Variants in CAMKMT observed in about 807,000 individuals in gnomAD.
The protein encoded by CAMKMT is calmodulin-lysine N-methyltransferase, also known as CaM KMT.
In CAMKMT, 53 loss-of-function variants were observed where a neutral mutation model predicts 48.0. The ratio of observed to expected loss-of-function variants is 1.10; its 90% CI spans 0.89 to 1.39. The LOEUF (loss-of-function observed/expected upper bound fraction) is 1.39, where lower values mean the gene tolerates loss of function less well. CAMKMT is among the 40% of genes most tolerant of loss of function. CAMKMT has a pLI of 0.00. For missense variants in CAMKMT, 428 were observed against 402.7 expected (o/e 1.06, Z -0.54); for synonymous variants, 165 against 152.3 (o/e 1.08, Z -0.61).
intron 3 of CAMKMT, among the ~76,000 whole-genome samples, chr2:44,480,112 AGGCT>A (rs1409136464): frequency 6.6e-6 from 1 of 152,146 alleles, no homozygotes; most frequent in African/African-American, 2.4e-5. Context: ...AACTTTTAGG[AGGCT>A]TTGAACCAAA....
intron 3 of CAMKMT, among the ~76,000 whole-genome samples, chr2:44,603,005 A>G (rs1029129143): frequency 1.3e-5 from 2 of 152,038 alleles, no homozygotes; most frequent in Non-Finnish European, 2.9e-5. Context: ...CATTAACCAG[A>G]GTTCAGTATG....
intron 3 of CAMKMT, among the ~76,000 whole-genome samples, chr2:44,526,826 T>C (rs758028333): frequency 3.3e-5 from 5 of 152,136 alleles, no homozygotes; most frequent in Non-Finnish European, 7.4e-5. Context: ...ATGCATAAAA[T>C]TAACTATTAC....
At chr2:44,634,799 C>CAAAAAAA (rs1381130749) in intron 3 of CAMKMT, among the ~76,000 whole-genome samples, 1 of 23,914 alleles carries the variant, frequency 4.2e-5, no homozygotes. Context: ...TGAGGGCTAG[C>CAAAAAAA]CAAAAAAAAA....
At chr2:44,552,260 AATG>A (rs1007624442) in intron 3 of CAMKMT, among the ~76,000 whole-genome samples, 3 of 152,170 alleles carry the variant, frequency 2.0e-5, no homozygotes, top group African/African-American at 7.2e-5. Flanking sequence ...AGTGATACAC[AATG>A]ATATTTCGAT....
chr2:44,674,407 G>C (rs1054845924), intron 3 of CAMKMT, among the ~76,000 whole-genome samples: 2 of 152,210 alleles, frequency 1.3e-5, no homozygotes, highest in African/African-American at 4.8e-5. Context: ...GTATCCAAAA[G>C]CTAGAGCACA....
intron 3 of CAMKMT, among the ~76,000 whole-genome samples, chr2:44,478,050 A>G (rs1019140879): frequency 2.0e-5 from 3 of 152,236 alleles, no homozygotes; most frequent in African/African-American, 7.2e-5. Context: ...AATGTGTAAA[A>G]TTAAAAGCAA....
At chr2:44,712,350 A>T (rs1469921001) in intron 6 of CAMKMT, among the ~76,000 whole-genome samples, 6 of 152,102 alleles carry the variant, frequency 3.9e-5, no homozygotes, top group East Asian at 1.9e-4. Context: ...CAACTCTCAA[A>T]ATATATATAT....
chr2:44,548,661 G>A (rs755965913), intron 3 of CAMKMT, among the ~76,000 whole-genome samples: 2 of 152,138 alleles, frequency 1.3e-5, no homozygotes, highest in South Asian at 2.1e-4. Context: ...GGTCAGAGAC[G>A]GGAAGTCAGA....
intron 2 of CAMKMT, among the ~76,000 whole-genome samples, chr2:44,389,558 T>G (rs1416936302): frequency 6.6e-6 from 1 of 150,542 alleles, no homozygotes; most frequent in African/African-American, 2.4e-5. Context: ...TTAGCACTAA[T>G]TTTTTTTTTC....
At chr2:44,478,490 C>T (rs967224684) in intron 3 of CAMKMT, among the ~76,000 whole-genome samples, 10 of 152,180 alleles carry the variant, frequency 6.6e-5, no homozygotes, top group African/African-American at 2.4e-4. Flanking sequence ...TATAGACCTA[C>T]TTTACCTTGG....
At position 44,707,385 on chromosome 2, in the gene CAMKMT, C is replaced by CTT; in HGVS notation, c.493-5_493-4dup. On this transcript the variant is annotated splice_polypyrimidine_tract_variant and intron_variant, in intron 5 of 10. Transcript: ENST00000378494. ...ATTTGCTCATTGTTTGCTGTGCTCC[C>CTT]TTTTTTTTTTCAGGTTGCTATTTCT... 2 of 1,380,034 alleles carry CTT rather than the reference C, an allele frequency of 1.4e-6. No individual in the cohort carries two copies. Among genetic ancestry groups the CTT allele is most frequent in the African/African-American group, 1.5e-5 (1 of 68,172 alleles). The allele number at this position is 1,380,034 out of a possible 1,614,324, so 85.5% of individuals were successfully genotyped here.
chr2:44,369,977 T>C (rs986791688), intron 1 of CAMKMT: 1 of 152,196 alleles, frequency 6.6e-6, no homozygotes, highest in African/African-American at 2.4e-5. Context: ...GAAATACAGC[T>C]TCTAGCTTTC....
intron 3 of CAMKMT, chr2:44,395,047 TTA>T (rs1681704674): frequency 4.5e-6 from 2 of 442,166 alleles, no homozygotes; most frequent in South Asian, 3.2e-5. Context: ...GGAAAAAAAA[TTA>T]TATGTTTTCA....
At chr2:44,644,865 T>C (rs1364224145) in intron 3 of CAMKMT, among the ~76,000 whole-genome samples, 1 of 152,210 alleles carries the variant, frequency 6.6e-6, no homozygotes, top group Non-Finnish European at 1.5e-5. Flanking sequence ...AGTGGTTTCT[T>C]ATGATTTTTT....
At chr2:44,689,269 TTTATTTA>T (rs1465677284) in intron 3 of CAMKMT, among the ~76,000 whole-genome samples, 12 of 132,328 alleles carry the variant, frequency 9.1e-5, no homozygotes, top group Non-Finnish European at 1.4e-4. Flanking sequence ...CTATTTTTTA[TTTATTTA>T]TTTATTTATT....
intron 3 of CAMKMT, among the ~76,000 whole-genome samples, chr2:44,538,412 G>A (rs1464496439): frequency 6.6e-6 from 1 of 151,442 alleles, no homozygotes; most frequent in African/African-American, 2.4e-5. Context: ...AGAAAATGTA[G>A]TATATATACA....
chr2:44,754,795 G>A (rs539182286), intron 9 of CAMKMT, among the ~76,000 whole-genome samples: 3 of 151,654 alleles, frequency 2.0e-5, no homozygotes, highest in East Asian at 3.9e-4. Context: ...CAGCCTAAAC[G>A]GAGAGTTAAT....
intron 8 of CAMKMT, among the ~76,000 whole-genome samples, chr2:44,752,424 T>C (rs1680192034): frequency 6.6e-6 from 1 of 152,162 alleles, no homozygotes; most frequent in Non-Finnish European, 1.5e-5. Flanking sequence ...GCTCTAGCAA[T>C]GCCCAGGAGC....
intron 3 of CAMKMT, among the ~76,000 whole-genome samples, chr2:44,573,924 C>G (rs1004757022): frequency 2.0e-5 from 3 of 152,200 alleles, no homozygotes; most frequent in Non-Finnish European, 4.4e-5. Flanking sequence ...TTGTGAGTTT[C>G]TGCTTTAATT....
Sources: allele counts gnomAD v4.1 joint callset (sites outside exome capture counted in the v4.1 genomes callset), GRCh38; gene constraint gnomAD v4.1.1; transcripts MANE v1.5; gene names NCBI Gene and HGNC (gene_info 2026-07-23, HGNC 2026-07-21).